XRN2: variants seen among roughly 807,000 people sequenced by gnomAD.
XRN2 encodes 5'-3' exoribonuclease 2.
Under a neutral mutation model 138.5 loss-of-function variants are expected in XRN2, and 44 were observed. The observed-to-expected ratio is 0.32, with a 90% confidence interval of 0.25 to 0.41. The LOEUF (loss-of-function observed/expected upper bound fraction) is 0.41, where lower values mean the gene tolerates loss of function less well. Ranked by LOEUF, XRN2 falls within the 10% of genes least tolerant of loss-of-function variation. The pLI is 1.00. For synonymous variants in XRN2, 354 were observed against 369.4 expected (o/e 0.96, Z 0.48); for missense variants, 937 against 1,169.3 (o/e 0.80, Z 2.90).
intron 26 of XRN2, among the ~76,000 whole-genome samples, chr20:21,366,939 G>T (rs918836122): frequency 5.3e-5 from 8 of 152,084 alleles, no homozygotes; most frequent in Non-Finnish European, 1.0e-4. Flanking sequence ...TACTTCAAGG[G>T]AATAAAACCT....
chr20:21,385,128 T>G (rs867401779), intron 28 of XRN2, among the ~76,000 whole-genome samples: 2 of 152,224 alleles, frequency 1.3e-5, no homozygotes, highest in Non-Finnish European at 2.9e-5. Flanking sequence ...AACCTGTTTT[T>G]GGAACATAAA....
Position 21,305,123 on chromosome 20 carries a change from T to G in XRN2, c.75+1650T>G, listed in dbSNP as rs539695980. Among the ~76,000 whole-genome samples the G allele has an allele frequency of 2.4e-4, 36 of 152,348 alleles. No individual in the cohort carries two copies. The South Asian group carries it at 7.5e-3, about 32-fold the overall frequency. On this transcript the variant is annotated intron_variant, in intron 1 of 29. Coordinates refer to ENST00000377191, the MANE Select transcript of XRN2 (RefSeq NM_012255.5). ...TCTTGAATAGTCCTTCTTGGGGTCT[T>G]ATTTATTTTTGTTGCTGTCACACCT...
chr20:21,312,245 TG>T (rs1214340416), intron 1 of XRN2, among the ~76,000 whole-genome samples: 3 of 151,930 alleles, frequency 2.0e-5, no homozygotes, highest in African/African-American at 7.2e-5. Context: ...CCCGAGTAGC[TG>T]GGACTACAGG....
At chr20:21,348,485 C>T (rs2038466641) in intron 19 of XRN2, 55 bp downstream of exon 19, 1 of 1,504,420 alleles carries the variant, frequency 6.6e-7, no homozygotes, top group South Asian at 1.2e-5. Context: ...ACATTTTATT[C>T]ATATCAGTTA....
chr20:21,379,544 G>C (rs905118316), intron 27 of XRN2, among the ~76,000 whole-genome samples: 2 of 152,182 alleles, frequency 1.3e-5, no homozygotes, highest in Non-Finnish European at 2.9e-5. Context: ...ACAAAAAACT[G>C]TAATTTTTGT....
chr20:21,340,456 A>AT (rs1447693909), intron 14 of XRN2, among the ~76,000 whole-genome samples: 1 of 152,062 alleles, frequency 6.6e-6, no homozygotes, highest in African/African-American at 2.4e-5. Context: ...GACTTGAAAG[A>AT]TTTTCTCTAT....
intron 16 of XRN2, among the ~76,000 whole-genome samples, chr20:21,344,742 C>T (rs2038414939): frequency 1.3e-5 from 2 of 152,124 alleles, no homozygotes; most frequent in South Asian, 4.1e-4. Context: ...AGAGGAGTTT[C>T]CCTTTAACTG....
intron 19 of XRN2, among the ~76,000 whole-genome samples, chr20:21,348,692 C>T (rs1476933008): frequency 6.6e-6 from 1 of 152,166 alleles, no homozygotes. Context: ...GTTGCCCAGG[C>T]TGGATTGCAG....
intron 27 of XRN2, among the ~76,000 whole-genome samples, chr20:21,379,713 G>C (rs2038862411): frequency 6.6e-6 from 1 of 152,102 alleles, no homozygotes; most frequent in Admixed American, 6.5e-5. Context: ...TAGTTGTATA[G>C]GTTAGACAAT....
intron 1 of XRN2, among the ~76,000 whole-genome samples, chr20:21,304,411 G>C (rs1372124437): frequency 1.3e-5 from 2 of 149,578 alleles, no homozygotes; most frequent in East Asian, 2.0e-4. Flanking sequence ...CCTTGTCTTA[G>C]TGACATTCCC....
intron 15 of XRN2, among the ~76,000 whole-genome samples, chr20:21,342,308 T>C (rs2038382223): frequency 6.6e-6 from 1 of 152,150 alleles, no homozygotes; most frequent in South Asian, 2.1e-4. Flanking sequence ...ATATTTGTGG[T>C]TTTATATTTA....
At chr20:21,343,939 G>C in intron 15 of XRN2, 151 bp from the exon 16 acceptor site, 1 of 525,428 alleles carries the variant, frequency 1.9e-6, no homozygotes. Context: ...AGCAAGATCA[G>C]TCTCTGTACC....
chr20:21,337,285 G>A lies in XRN2; in HGVS notation c.1234-1759G>A, dbSNP rs74692748. Reference sequence around the variant, plus strand: ...CCAAGGGAGCCTGGATGGTAGCAGTGGAGATCATCAGAGGCAGTTGGATTC... The same window carrying A: ...CCAAGGGAGCCTGGATGGTAGCAGTAGAGATCATCAGAGGCAGTTGGATTC... On this transcript the variant is annotated intron_variant, in intron 13 of 29. Coordinates refer to ENST00000377191, the MANE Select transcript of XRN2 (RefSeq NM_012255.5). Among the ~76,000 whole-genome samples the A allele has an allele frequency of 4.1e-3, 625 of 152,290 alleles. 8 individuals carry two copies. The highest frequency in any genetic ancestry group is 0.015 in the African/African-American group (612 of 41,558).
chr20:21,372,882 T>C (rs541262404), intron 27 of XRN2, among the ~76,000 whole-genome samples: 86 of 152,330 alleles, frequency 5.6e-4, no homozygotes, highest in African/African-American at 2.0e-3. Context: ...ATTACCTTTT[T>C]GTTTTTTTAA....
At chr20:21,380,903 G>A (rs1287621031) in intron 27 of XRN2, among the ~76,000 whole-genome samples, 1 of 152,202 alleles carries the variant, frequency 6.6e-6, no homozygotes, top group Non-Finnish European at 1.5e-5. Flanking sequence ...TCAGCATGTC[G>A]AGATGGGAAG....
chr20:21,368,403 T>G (rs2038726144), intron 26 of XRN2, 60 bp from the exon 27 acceptor site: 2 of 1,587,304 alleles, frequency 1.3e-6, no homozygotes, highest in South Asian at 2.3e-5. Context: ...TTGTGTCAGC[T>G]GTGTTATGAT....
At chr20:21,363,025 T>C (rs143424130) in intron 24 of XRN2, among the ~76,000 whole-genome samples, 2 of 152,284 alleles carry the variant, frequency 1.3e-5, no homozygotes, top group Admixed American at 6.5e-5. Context: ...TGCCACCCTG[T>C]GACCAATCCT....
intron 23 of XRN2, among the ~76,000 whole-genome samples, chr20:21,357,198 A>G (rs1014734276): frequency 2.0e-4 from 30 of 152,360 alleles, no homozygotes; most frequent in African/African-American, 7.0e-4. Context: ...ATGTTCATAA[A>G]TATAACCACT....
intron 1 of XRN2, among the ~76,000 whole-genome samples, chr20:21,311,733 A>G (rs1161213900): frequency 6.6e-6 from 1 of 152,186 alleles, no homozygotes; most frequent in Non-Finnish European, 1.5e-5. Context: ...CACGCCTGCA[A>G]TCCCAGCACT....
Sources: allele counts gnomAD v4.1 joint callset (sites outside exome capture counted in the v4.1 genomes callset), GRCh38; gene constraint gnomAD v4.1.1; transcripts MANE v1.5; gene names NCBI Gene and HGNC (gene_info 2026-07-23, HGNC 2026-07-21).